TENM2: variants seen among roughly 807,000 people sequenced by gnomAD.
TENM2 encodes the protein teneurin transmembrane protein 2.
A neutral mutation model predicts 245.2 loss-of-function variants in TENM2; 52 were observed. The observed-to-expected ratio is 0.21, with a 90% CI of 0.17 to 0.27. The LOEUF is 0.27. Among genes scored for constraint, TENM2 ranks in the 10% least tolerant of loss-of-function variants. The pLI, the probability that TENM2 is intolerant of heterozygous loss-of-function variation, is 1.00. For synonymous variants in TENM2, 1,363 were observed against 1,438.9 expected (o/e 0.95, Z 1.19); for missense variants, 3,046 against 3,666.8 (o/e 0.83, Z 4.37).
At chr5:167,027,985 C>T in the TENM2 span, among the ~76,000 whole-genome samples, 29 of 147,580 alleles carry the variant, frequency 2.0e-4, no homozygotes, top group Middle Eastern at 3.6e-3. Flanking sequence ...GAAGGAGAAT[C>T]GCTTGAGCCT....
rs147705135 is a variant in TENM2 at position 167,360,214 on chromosome 5, T to C, written c.227-14984T>C. Among the ~76,000 whole-genome samples the C allele has an allele frequency of 4.4e-3, 674 of 152,286 alleles. 12 individuals are homozygous for C. Among genetic ancestry groups the C allele is most frequent in the African/African-American group, 0.015 (614 of 41,568 alleles). ...AAACCCATTATATCCAAGTACTTAC[T>C]GTAGATAAGGCACTGTATCGCCCTA... On this transcript the variant is annotated intron_variant, in intron 1 of 28. Coordinates refer to ENST00000518659, the Ensembl canonical transcript of TENM2.
At chr5:167,008,185 T>C in the TENM2 span, among the ~76,000 whole-genome samples, 1 of 152,198 alleles carries the variant, frequency 6.6e-6, no homozygotes, top group Non-Finnish European at 1.5e-5. Context: ...GTTACTGGGA[T>C]TTCTGTAGTT....
chr5:167,246,509 G>T, the TENM2 span, among the ~76,000 whole-genome samples: 1 of 151,782 alleles, frequency 6.6e-6, no homozygotes, highest in Admixed American at 6.6e-5. Context: ...TGTAATATTT[G>T]TTATAGTATA....
At chr5:167,932,545 A>G (rs1160381023) in intron 3 of TENM2, among the ~76,000 whole-genome samples, 1 of 152,088 alleles carries the variant, frequency 6.6e-6, no homozygotes, top group African/African-American at 2.4e-5. Context: ...CATTCATTCA[A>G]ACATACATAT....
chr5:168,262,221 G>A, exon 29 of TENM2: 1 of 1,607,452 alleles, frequency 6.2e-7, no homozygotes, highest in Non-Finnish European at 8.5e-7. Flanking sequence ...ATCAAAGAAG[G>A]GCGGGTGACC....
chr5:167,871,736 A>G (rs896144989), intron 2 of TENM2, among the ~76,000 whole-genome samples: 4 of 152,186 alleles, frequency 2.6e-5, no homozygotes, highest in African/African-American at 9.7e-5. Flanking sequence ...GGAACTTTCA[A>G]CATAGTTGGA....
At chr5:167,770,681 A>T (rs1763345233) in intron 2 of TENM2, among the ~76,000 whole-genome samples, 1 of 152,156 alleles carries the variant, frequency 6.6e-6, no homozygotes. Context: ...ATCCAGTGTC[A>T]ATGTGGTCTT....
chr5:168,003,534 A>T (rs141137345), intron 5 of TENM2, among the ~76,000 whole-genome samples: 1 of 152,196 alleles, frequency 6.6e-6, no homozygotes, highest in East Asian at 1.9e-4. Flanking sequence ...AAAATATGGA[A>T]CAGTTAAAGG....
At chr5:167,284,935 G>A (rs1472652448) in exon 1 of TENM2, 9 of 1,551,608 alleles carry the variant, frequency 5.8e-6, no homozygotes, top group South Asian at 3.6e-5. Context: ...GAGGACTGCC[G>A]CGTGCCCACA....
At chr5:167,999,280 C>A (rs1037364833) in intron 5 of TENM2, among the ~76,000 whole-genome samples, 5 of 152,178 alleles carry the variant, frequency 3.3e-5, no homozygotes, top group African/African-American at 1.2e-4. Flanking sequence ...CATTTCCACC[C>A]AACTCCCTGG....
At chr5:167,399,407 C>T (rs535559439) in intron 2 of TENM2, among the ~76,000 whole-genome samples, 8 of 152,288 alleles carry the variant, frequency 5.3e-5, no homozygotes, top group South Asian at 2.1e-4. Flanking sequence ...TACAGCAGAA[C>T]GCTGCAGCAT....
Position 168,253,534 on chromosome 5 carries a change from T to A in TENM2, c.7432+5163T>A, listed in dbSNP as rs997967187. Among the ~76,000 whole-genome samples, 32 of 151,188 alleles carry A rather than the reference T, an allele frequency of 2.1e-4. 1 individual carries two copies. The highest frequency in any genetic ancestry group is 3.4e-3 in the Middle Eastern group (1 of 290). ...TCCGCCTCACGGGTTCACACCATTC[T>A]CCTGCCTCAGCCCGCGGAGTAGCTG... is the stretch of plus-strand genomic sequence containing the variant. On this transcript the variant is annotated intron_variant, in intron 27 of 28. Transcript: ENST00000518659.
chr5:168,213,272 G>A (rs1195195674), intron 20 of TENM2, among the ~76,000 whole-genome samples: 3 of 152,184 alleles, frequency 2.0e-5, no homozygotes, highest in Non-Finnish European at 2.9e-5. Context: ...TCTAGTTCAG[G>A]GATGTGTCTT....
At chr5:167,270,397 A>G in the TENM2 span, among the ~76,000 whole-genome samples, 5 of 152,104 alleles carry the variant, frequency 3.3e-5, no homozygotes, top group African/African-American at 1.2e-4. Context: ...TTGAGCATCT[A>G]TTATTAGGAG....
the TENM2 span, among the ~76,000 whole-genome samples, chr5:167,216,467 T>C: frequency 1.3e-5 from 2 of 152,142 alleles, no homozygotes; most frequent in African/African-American, 4.8e-5. Flanking sequence ...GCAACATCCT[T>C]GAGTATGAGG....
chr5:167,902,127 T>A (rs2151521868), intron 3 of TENM2, among the ~76,000 whole-genome samples: 1 of 152,160 alleles, frequency 6.6e-6, no homozygotes, highest in South Asian at 2.1e-4. Context: ...TGCAACAGAT[T>A]TTTAGGAGCA....
chr5:168,199,362 A>G (rs1222024636), intron 16 of TENM2, among the ~76,000 whole-genome samples: 1 of 152,246 alleles, frequency 6.6e-6, no homozygotes, highest in African/African-American at 2.4e-5. Context: ...CAACATACAT[A>G]TGTGCAACCC....
intron 1 of TENM2, among the ~76,000 whole-genome samples, chr5:167,355,170 C>T (rs1759228578): frequency 6.6e-6 from 1 of 152,254 alleles, no homozygotes; most frequent in African/African-American, 2.4e-5. Flanking sequence ...CCAAATTGAA[C>T]GAAGCAGTCT....
At chr5:167,345,123 T>C (rs1471102790) in intron 1 of TENM2, among the ~76,000 whole-genome samples, 1 of 152,194 alleles carries the variant, frequency 6.6e-6, no homozygotes, top group Non-Finnish European at 1.5e-5. Flanking sequence ...GCTGTTTCTC[T>C]TGGCTTTGCA....
Sources: allele counts gnomAD v4.1 joint callset (sites outside exome capture counted in the v4.1 genomes callset), GRCh38; gene constraint gnomAD v4.1.1; transcripts MANE v1.5; gene names NCBI Gene and HGNC (gene_info 2026-07-23, HGNC 2026-07-21).